MLLT3: variants seen among roughly 807,000 people sequenced by gnomAD.
MLLT3 encodes MLLT3 super elongation complex subunit.
A neutral mutation model predicts 53.2 loss-of-function variants in MLLT3; 4 were observed. That is an observed-to-expected ratio of 0.08 (90% CI 0.04 to 0.17). The LOEUF (loss-of-function observed/expected upper bound fraction) is 0.17. Among genes scored for constraint, MLLT3 ranks in the 10% least tolerant of loss-of-function variants. MLLT3 has a pLI of 1.00. For missense variants in MLLT3, 569 were observed against 684.0 expected (o/e 0.83, Z 1.87); for synonymous variants, 283 against 230.6 (o/e 1.23, Z -2.06).
At chr9:20,353,017 G>A (rs1428586974) in intron 10 of MLLT3, among the ~76,000 whole-genome samples, 1 of 151,984 alleles carries the variant, frequency 6.6e-6, no homozygotes, top group Non-Finnish European at 1.5e-5. Flanking sequence ...TCCACTACAA[G>A]TATTCCACAG....
rs571482133 is a variant in MLLT3, at chr9:20,579,489, C to T, written c.193+41165G>A. On this transcript the variant is annotated intron_variant, in intron 2 of 10. Transcript: ENST00000380338. ...GAGGAAATGTCCTTCTACAAAGAGCCCATGAGAAGACTTTTTTAAAAACAT... is the reference window on the plus strand; with the variant it reads ...GAGGAAATGTCCTTCTACAAAGAGCTCATGAGAAGACTTTTTTAAAAACAT... 7.2e-5 allele frequency among the ~76,000 whole-genome samples: 11 copies of T among 151,928 alleles called. No individual in the cohort carries two copies. The East Asian group carries it at 1.7e-3, about 24-fold the overall frequency.
intron 2 of MLLT3, among the ~76,000 whole-genome samples, chr9:20,496,750 T>C (rs1332908274): frequency 1.3e-5 from 2 of 152,196 alleles, no homozygotes; most frequent in African/African-American, 2.4e-5. Context: ...ATGGTTACTA[T>C]ATTGACAGTC....
intron 2 of MLLT3, among the ~76,000 whole-genome samples, chr9:20,576,222 T>C (rs1397734919): frequency 2.0e-5 from 3 of 152,228 alleles, no homozygotes; most frequent in Non-Finnish European, 4.4e-5. Flanking sequence ...GGCCTTGCTC[T>C]GGATTAGGCT....
chr9:20,472,177 T>A (rs554094718), intron 2 of MLLT3, among the ~76,000 whole-genome samples: 1 of 152,226 alleles, frequency 6.6e-6, no homozygotes, highest in Non-Finnish European at 1.5e-5. Context: ...CCAGATATTA[T>A]TTAATCCTAT....
chr9:20,345,864 C>G lies in MLLT3; in HGVS notation c.*579G>C, dbSNP rs147715669. The G allele has an allele frequency of 1.3e-5, 3 of 227,846 alleles. No individual in the cohort carries two copies. The highest frequency in any genetic ancestry group is 2.6e-5 in the Non-Finnish European group (3 of 114,460). 14.1% of individuals were successfully genotyped at this position (227,846 alleles called of 1,614,324 possible). ...AAAAGGTGGAAAATACAGACTGCAA[C>G]GAGTTAAAGGACTTGGAAAAAGTTG... On this transcript the variant is annotated 3_prime_UTR_variant, in exon 11 of 11. Coordinates refer to ENST00000380338, the MANE Select transcript of MLLT3 (RefSeq NM_004529.4).
intron 5 of MLLT3, among the ~76,000 whole-genome samples, chr9:20,379,544 A>G (rs1457481051): frequency 2.0e-5 from 3 of 152,104 alleles, no homozygotes; most frequent in Non-Finnish European, 4.4e-5. Flanking sequence ...ATTGTGCAGG[A>G]ATAACAAAAC....
intron 10 of MLLT3, among the ~76,000 whole-genome samples, chr9:20,350,481 G>A (rs1820987638): frequency 1.3e-5 from 2 of 150,556 alleles, no homozygotes; most frequent in Non-Finnish European, 2.9e-5. Context: ...TGTAGTCCCA[G>A]CTACTTGGGA....
chr9:20,612,099 C>T (rs776342548), intron 2 of MLLT3, among the ~76,000 whole-genome samples: 6 of 152,262 alleles, frequency 3.9e-5, no homozygotes, highest in Non-Finnish European at 8.8e-5. Context: ...TATTGCTGAA[C>T]ATTTGTCTGC....
chr9:20,414,586 G>C (rs1029356525), intron 4 of MLLT3, among the ~76,000 whole-genome samples, 161 bp from the exon 5 acceptor site: 1 of 152,088 alleles, frequency 6.6e-6, no homozygotes, highest in African/African-American at 2.4e-5. Flanking sequence ...TAACAGGTGA[G>C]AATAGTGTAT....
chr9:20,424,661 A>G (rs1247630960), intron 4 of MLLT3, among the ~76,000 whole-genome samples: 1 of 152,232 alleles, frequency 6.6e-6, no homozygotes, highest in African/African-American at 2.4e-5. Context: ...GCTGTGCAAG[A>G]AAGAAAATCT....
chr9:20,381,569 T>C (rs1388886269), intron 5 of MLLT3, among the ~76,000 whole-genome samples: 7 of 151,946 alleles, frequency 4.6e-5, no homozygotes, highest in Non-Finnish European at 1.5e-5. Context: ...CATTCAGTCA[T>C]ATAACTATTA....
rs1208231281 is a variant in MLLT3, at chr9:20,620,661, T to A, written c.186A>T (p.Pro62=). 2 of 1,613,662 alleles carry A rather than the reference T, an allele frequency of 1.2e-6. No homozygotes were observed. The highest frequency in any genetic ancestry group is 3.3e-5 in the Admixed American group (2 of 59,952). Residue 62 remains proline, a synonymous_variant, in exon 2 of 11, where the codon CCA becomes CCT. Transcript: ENST00000380338. The surrounding 1 kb of genome is among the most constrained non-coding windows in gnomAD (Gnocchi z 6.1). ...VFHLHESFPR[P]KRVCKDPPYK... ...TTTGTATTCGAGCCCTACCTCTTTT[T>A]GGCCTAGGAAAGCTTTCGTGCAAGT...
At chr9:20,591,392 A>G (rs929552170) in intron 2 of MLLT3, among the ~76,000 whole-genome samples, 2 of 152,170 alleles carry the variant, frequency 1.3e-5, no homozygotes, top group African/African-American at 2.4e-5. Flanking sequence ...ACAAAATATG[A>G]CTCGACTGTA....
chr9:20,515,919 CA>C (rs1817901426), intron 2 of MLLT3, among the ~76,000 whole-genome samples: 1 of 152,202 alleles, frequency 6.6e-6, no homozygotes, highest in Non-Finnish European at 1.5e-5. Flanking sequence ...ATATATTCCA[CA>C]CCAGAGCAAC....
chr9:20,347,096 A>G lies in MLLT3; in HGVS notation c.1576-522T>C, dbSNP rs62824660. 3.0e-4 allele frequency among the ~76,000 whole-genome samples: 42 copies of G among 141,368 alleles called. 1 individual carries two copies. The highest frequency in any genetic ancestry group is 1.2e-3 in the African/African-American group (42 of 34,978). The allele number at this position is 141,368 out of a possible 152,430, so 92.7% of individuals were successfully genotyped here. A position where few individuals can be genotyped will look rare whatever the true frequency, so the allele number is the denominator to read the frequency against. On this transcript the variant is annotated intron_variant, in intron 10 of 10. Transcript: ENST00000380338. ...CTCCCAAAAAAAAAAAAAAAAAAAA[A>G]GGAAAAGAAAGAAACTGTCTACAAT...
At chr9:20,515,320 C>T (rs904546824) in intron 2 of MLLT3, among the ~76,000 whole-genome samples, 7 of 152,182 alleles carry the variant, frequency 4.6e-5, no homozygotes, top group Non-Finnish European at 8.8e-5. Context: ...TAGGCCAGGG[C>T]ATTCAGTGCT....
At chr9:20,567,849 G>A (rs542872670) in intron 2 of MLLT3, among the ~76,000 whole-genome samples, 2 of 152,132 alleles carry the variant, frequency 1.3e-5, no homozygotes, top group East Asian at 3.9e-4. Context: ...CATTCCACTG[G>A]GGAGCAAGGG....
chr9:20,545,047 A>G lies in MLLT3; in HGVS notation c.193+75607T>C, dbSNP rs572438385. ...GAGCTCGAGGTTACAGAAAGCCATG[A>G]TCACGCCACTGCAATCCAGCCTGGG... On this transcript the variant is annotated intron_variant, in intron 2 of 10. Coordinates refer to ENST00000380338, the MANE Select transcript of MLLT3 (RefSeq NM_004529.4). Among the ~76,000 whole-genome samples the G allele has an allele frequency of 3.5e-5, 5 of 144,430 alleles. No homozygotes were observed. In the East Asian group the frequency reaches 1.1e-3, roughly 31 times the overall value. The allele number at this position is 144,430 out of a possible 152,430, so 94.8% of individuals were successfully genotyped here. A position where few individuals can be genotyped will look rare whatever the true frequency, so the allele number is the denominator to read the frequency against.
intron 2 of MLLT3, among the ~76,000 whole-genome samples, chr9:20,477,710 A>C (rs888116271): frequency 6.6e-6 from 1 of 152,174 alleles, no homozygotes; most frequent in South Asian, 2.1e-4. Context: ...TTCTGGCTCT[A>C]CAGTTCTCCT....
Sources: gnomAD v4.1 joint callset for allele counts (sites outside exome capture counted in the v4.1 genomes callset) on GRCh38, gnomAD v4.1.1 for gene constraint, Gnocchi (gnomAD v3.1) non-coding constraint, MANE v1.5 for transcripts, NCBI Gene and HGNC (gene_info 2026-07-23, HGNC 2026-07-21) for gene names.